Variants in KALRN observed in about 807,000 individuals in gnomAD.
The protein encoded by KALRN is kalirin RhoGEF kinase.
Under a neutral mutation model 353.7 loss-of-function variants are expected in KALRN, and 70 were observed. The observed-to-expected ratio is 0.20, with a 90% confidence interval of 0.16 to 0.24. The LOEUF (loss-of-function observed/expected upper bound fraction) is 0.24, where lower values mean the gene tolerates loss of function less well. Among genes scored for constraint, KALRN ranks in the 10% least tolerant of loss-of-function variants. The probability of loss-of-function intolerance (pLI) is 1.00; values close to 1 mark genes in which losing one functional copy is unlikely to be tolerated. For missense variants in KALRN, 2,791 were observed against 3,756.7 expected (o/e 0.74, Z 6.72); for synonymous variants, 1,391 against 1,434.8 (o/e 0.97, Z 0.69).
chr3:124,068,712 C>A (rs2042582664), intron 1 of KALRN, among the ~76,000 whole-genome samples: 1 of 152,136 alleles, frequency 6.6e-6, no homozygotes, highest in African/African-American at 2.4e-5. Flanking sequence ...TGATTTACAC[C>A]CTTTCCCCAG....
chr3:124,118,441 C>T (rs2063661794), intron 1 of KALRN, among the ~76,000 whole-genome samples: 1 of 151,822 alleles, frequency 6.6e-6, no homozygotes, highest in African/African-American at 2.4e-5. Context: ...GAGAGGGTTT[C>T]TGCAGGAGAC....
intron 3 of KALRN, among the ~76,000 whole-genome samples, chr3:124,238,696 C>A (rs1158013): frequency 1.3e-5 from 2 of 151,928 alleles, no homozygotes; most frequent in African/African-American, 4.8e-5. Flanking sequence ...AAGAGAACTT[C>A]TTTTTAGTCC....
chr3:124,624,129 T>C (rs1211622125), intron 34 of KALRN, among the ~76,000 whole-genome samples: 2 of 152,238 alleles, frequency 1.3e-5, no homozygotes, highest in Non-Finnish European at 2.9e-5. Context: ...TACTCCGTCC[T>C]GCCCAGGATG....
intron 9 of KALRN, among the ~76,000 whole-genome samples, chr3:124,344,390 G>A (rs2082070212): frequency 6.6e-6 from 1 of 152,234 alleles, no homozygotes; most frequent in Admixed American, 6.5e-5. Flanking sequence ...TGCATGGAAA[G>A]TCAGATTGTA....
At chr3:124,237,654 C>T (rs1211259114) in intron 3 of KALRN, among the ~76,000 whole-genome samples, 1 of 152,210 alleles carries the variant, frequency 6.6e-6, no homozygotes. Context: ...TGAGCCACCT[C>T]TCCTGACCAA....
At chr3:124,245,347 C>T (rs137875468) in intron 3 of KALRN, among the ~76,000 whole-genome samples, 53 of 152,226 alleles carry the variant, frequency 3.5e-4, no homozygotes, top group African/African-American at 1.2e-3. Context: ...AAGAGTACTC[C>T]GTTGTGTATT....
intron 10 of KALRN, among the ~76,000 whole-genome samples, chr3:124,349,810 C>T (rs1218637277): frequency 1.3e-5 from 2 of 152,156 alleles, no homozygotes; most frequent in East Asian, 3.8e-4. Context: ...CCCAATGCAC[C>T]TTATGATGGA....
At chr3:124,450,351 C>G (rs537497826) in intron 21 of KALRN, among the ~76,000 whole-genome samples, 2 of 151,976 alleles carry the variant, frequency 1.3e-5, no homozygotes, top group South Asian at 2.1e-4. Flanking sequence ...ATGAAAGAAG[C>G]CTTGAGATAA....
chr3:124,059,769 G>A (rs549821677), intron 1 of KALRN, among the ~76,000 whole-genome samples: 14 of 152,098 alleles, frequency 9.2e-5, no homozygotes, highest in East Asian at 1.9e-4. Flanking sequence ...AAGATATGAC[G>A]TCATTTAAAG....
chr3:124,257,554 G>A (rs889951898), intron 3 of KALRN, among the ~76,000 whole-genome samples: 6 of 152,328 alleles, frequency 3.9e-5, no homozygotes, highest in African/African-American at 1.4e-4. Flanking sequence ...CCAGTCATTT[G>A]GTATACATTT....
intron 1 of KALRN, among the ~76,000 whole-genome samples, chr3:124,191,118 C>A (rs910891065): frequency 6.6e-6 from 1 of 152,196 alleles, no homozygotes; most frequent in African/African-American, 2.4e-5. Flanking sequence ...ATGCACAGGG[C>A]AAGGCATGTG....
chr3:124,511,749 T>A (rs949852457), intron 33 of KALRN, among the ~76,000 whole-genome samples: 10 of 152,220 alleles, frequency 6.6e-5, no homozygotes, highest in Non-Finnish European at 1.3e-4. Context: ...ATTGCCTTCA[T>A]CTACCAAACT....
intron 1 of KALRN, among the ~76,000 whole-genome samples, chr3:124,154,290 G>T (rs2068640004): frequency 6.6e-6 from 1 of 152,162 alleles, no homozygotes; most frequent in Admixed American, 6.6e-5. Flanking sequence ...GAAATAAAGG[G>T]TATTCAATTA....
chr3:124,250,654 T>G (rs1288041190), intron 3 of KALRN, among the ~76,000 whole-genome samples: 1 of 152,194 alleles, frequency 6.6e-6, no homozygotes, highest in Non-Finnish European at 1.5e-5. Flanking sequence ...GTTTTTCATA[T>G]AGCCTGACTA....
At chr3:124,445,580 A>G (rs1469956388) in intron 19 of KALRN, among the ~76,000 whole-genome samples, 3 of 152,240 alleles carry the variant, frequency 2.0e-5, no homozygotes, top group Non-Finnish European at 4.4e-5. Context: ...ACAGGAAGAC[A>G]TAATTCCAAC....
chr3:124,515,399 C>A (rs927356198), intron 33 of KALRN, among the ~76,000 whole-genome samples: 2 of 152,130 alleles, frequency 1.3e-5, no homozygotes, highest in African/African-American at 4.8e-5. Context: ...TGATTCTTGC[C>A]CCTGATGGAA....
intron 5 of KALRN, among the ~76,000 whole-genome samples, chr3:124,296,639 G>T (rs1006642855): frequency 3.3e-5 from 5 of 152,184 alleles, no homozygotes; most frequent in Admixed American, 3.3e-4. Context: ...GACAATGTGT[G>T]GTCCAGGTTC....
intron 6 of KALRN, among the ~76,000 whole-genome samples, chr3:124,313,822 C>T (rs1193780268): frequency 7.9e-5 from 12 of 152,192 alleles, no homozygotes; most frequent in Admixed American, 7.9e-4. Context: ...AGCCAATTGA[C>T]ATTAGCCCTG....
intron 10 of KALRN, among the ~76,000 whole-genome samples, chr3:124,360,535 C>T (rs566023367): frequency 1.3e-5 from 2 of 152,314 alleles, no homozygotes; most frequent in South Asian, 4.1e-4. Flanking sequence ...TTACCTTGCA[C>T]AGTGAGAGTA....
Sources: allele counts gnomAD v4.1 joint callset (sites outside exome capture counted in the v4.1 genomes callset), GRCh38; gene constraint gnomAD v4.1.1; transcripts MANE v1.5; gene names NCBI Gene and HGNC (gene_info 2026-07-23, HGNC 2026-07-21).